The following LITAF variants were observed in gnomAD, a reference collection of about 807,000 sequenced individuals.
The protein encoded by LITAF is lipopolysaccharide induced TNF factor, also known as lipopolysaccharide-induced tumor necrosis factor-alpha factor.
Under a neutral mutation model 14.5 loss-of-function variants are expected in LITAF, and 9 were observed. That is an observed-to-expected ratio of 0.62 (90% CI 0.37 to 1.08). LITAF has a LOEUF of 1.08. Among genes scored for constraint, LITAF ranks in the 50% least tolerant of loss-of-function variants. LITAF has a pLI of 0.01. For missense variants in LITAF, 206 were observed against 213.4 expected (o/e 0.97, Z 0.22); for synonymous variants, 98 against 88.2 (o/e 1.11, Z -0.62).
At chr16:11,580,796 T>TG (rs35154651) in intron 1 of LITAF, among the ~76,000 whole-genome samples, 24,818 of 152,188 alleles carry the variant, frequency 0.16, 2,136 homozygotes, top group South Asian at 0.23. Context: ...GACAGGGTCT[T>TG]GTCTGTCACT....
At chr16:11,612,609 A>C (rs534573029) in intron 3 of LITAF, among the ~76,000 whole-genome samples, 34 of 152,294 alleles carry the variant, frequency 2.2e-4, no homozygotes, top group African/African-American at 7.9e-4. Context: ...CTGGATGGAA[A>C]GTTAACAAGG....
intron 1 of LITAF, among the ~76,000 whole-genome samples, chr16:11,564,313 C>T (rs913696821): frequency 1.4e-4 from 21 of 152,150 alleles, no homozygotes; most frequent in Non-Finnish European, 2.1e-4. Context: ...ATTAATGCAC[C>T]GATCTGGAAT....
chr16:11,639,737 G>A (rs2065157193), upstream of LITAF, among the ~76,000 whole-genome samples: 1 of 152,156 alleles, frequency 6.6e-6, no homozygotes, highest in Admixed American at 6.6e-5. Flanking sequence ...GCTCATGCCT[G>A]TAATCCCATC....
At chr16:11,577,759 A>C (rs1055305811) in intron 1 of LITAF, among the ~76,000 whole-genome samples, 2 of 152,106 alleles carry the variant, frequency 1.3e-5, no homozygotes, top group Admixed American at 6.6e-5. Context: ...TCTGTCACCC[A>C]GGCTGGAGTG....
chr16:11,621,222 G>A (rs1004997953), intron 3 of LITAF, among the ~76,000 whole-genome samples: 2 of 152,102 alleles, frequency 1.3e-5, no homozygotes, highest in African/African-American at 4.8e-5. Flanking sequence ...GTGCCACCAC[G>A]CCCAACTAAT....
At chr16:11,633,182 G>C (rs533165861) in intron 3 of LITAF, among the ~76,000 whole-genome samples, 1 of 152,118 alleles carries the variant, frequency 6.6e-6, no homozygotes, top group Non-Finnish European at 1.5e-5. Context: ...CCATCCACAC[G>C]GACCTGGGGC....
intron 3 of LITAF, among the ~76,000 whole-genome samples, chr16:11,624,528 A>G (rs920810116): frequency 6.6e-6 from 1 of 152,238 alleles, no homozygotes; most frequent in African/African-American, 2.4e-5. Flanking sequence ...TGCCTACCAC[A>G]GTGGGGCATG....
chr16:11,615,396 G>A (rs2065012866), intron 3 of LITAF, among the ~76,000 whole-genome samples: 1 of 152,168 alleles, frequency 6.6e-6, no homozygotes, highest in Non-Finnish European at 1.5e-5. Context: ...AATTAGCCTG[G>A]CATGGTGGTG....
intron 1 of LITAF, among the ~76,000 whole-genome samples, chr16:11,574,565 A>C (rs1255204017): frequency 6.6e-6 from 1 of 152,116 alleles, no homozygotes; most frequent in Non-Finnish European, 1.5e-5. Flanking sequence ...TCTCCTCTGC[A>C]AACCTGTCTC....
chr16:11,637,263 G>A (rs991841833), upstream of LITAF, among the ~76,000 whole-genome samples: 1 of 152,312 alleles, frequency 6.6e-6, no homozygotes, highest in African/African-American at 2.4e-5. Flanking sequence ...CTCACAGTAG[G>A]TGGCAGGAAC....
At chr16:11,594,909 AAAAATAAAAATAAAAAT>A (rs1489807974) in intron 1 of LITAF, among the ~76,000 whole-genome samples, 2 of 23,330 alleles carry the variant, frequency 8.6e-5, no homozygotes, top group Admixed American at 4.1e-4. Context: ...AAAGTAAAAT[AAAAATAAAAATAAAAAT>A]AAAATAAAGG....
intron 3 of LITAF, among the ~76,000 whole-genome samples, chr16:11,613,709 C>A (rs1296045925): frequency 6.6e-6 from 1 of 152,166 alleles, no homozygotes; most frequent in Non-Finnish European, 1.5e-5. Flanking sequence ...GGGAGCACAG[C>A]CGGACGGAGG....
intron 3 of LITAF, among the ~76,000 whole-genome samples, chr16:11,618,217 C>A (rs1412552971): frequency 3.3e-5 from 5 of 152,184 alleles, no homozygotes; most frequent in African/African-American, 1.2e-4. Flanking sequence ...TTTGTTTCTT[C>A]TCTCCATTTA....
chr16:11,637,782 G>C (rs958700636), upstream of LITAF, among the ~76,000 whole-genome samples: 1 of 150,728 alleles, frequency 6.6e-6, no homozygotes, highest in South Asian at 2.1e-4. Context: ...TCCAGAGGCT[G>C]AGGTGGGAGC....
chr16:11,572,438 G>A (rs546891035), intron 1 of LITAF, among the ~76,000 whole-genome samples: 13 of 152,150 alleles, frequency 8.5e-5, no homozygotes, highest in African/African-American at 2.7e-4. Context: ...TATCGTCAGC[G>A]AGAAGTCACA....
chr16:11,639,805 G>A (rs1486545215), upstream of LITAF, among the ~76,000 whole-genome samples: 1 of 152,024 alleles, frequency 6.6e-6, no homozygotes, highest in Non-Finnish European at 1.5e-5. Flanking sequence ...GACCAGCCTG[G>A]CCAACATGGT....
At chr16:11,619,260 G>C (rs568918591) in intron 3 of LITAF, among the ~76,000 whole-genome samples, 1 of 150,918 alleles carries the variant, frequency 6.6e-6, no homozygotes, top group Non-Finnish European at 1.5e-5. Flanking sequence ...GCAGTGAGCC[G>C]AGATCACATC....
intron 1 of LITAF, among the ~76,000 whole-genome samples, chr16:11,557,384 G>C (rs540070289): frequency 3.3e-5 from 5 of 152,124 alleles, no homozygotes; most frequent in Non-Finnish European, 7.4e-5. Context: ...GGTATGTTCA[G>C]TCTGTAAAAA....
chr16:11,564,496 G>A (rs986174442), intron 1 of LITAF, among the ~76,000 whole-genome samples: 5 of 152,002 alleles, frequency 3.3e-5, no homozygotes, highest in Admixed American at 2.6e-4. Flanking sequence ...CGCCCAAAAC[G>A]GGTTCATTCA....
Sources: gnomAD v4.1 joint callset for allele counts (sites outside exome capture counted in the v4.1 genomes callset) on GRCh38, gnomAD v4.1.1 for gene constraint, MANE v1.5 for transcripts, NCBI Gene and HGNC (gene_info 2026-07-23, HGNC 2026-07-21) for gene names.